RYR3: variants seen among roughly 807,000 people sequenced by gnomAD.
The protein encoded by RYR3 is brain ryanodine receptor-calcium release channel.
RYR3 carries 207 observed loss-of-function variants against 584.3 expected under a neutral mutation model. The observed-to-expected ratio is 0.35, with a 90% CI of 0.32 to 0.40. The LOEUF is 0.40. Among genes scored for constraint, RYR3 ranks in the 10% least tolerant of loss-of-function variants. RYR3 has a pLI of 1.00. For synonymous variants in RYR3, 2,416 were observed against 2,248.5 expected (o/e 1.07, Z -2.11); for missense variants, 5,616 against 6,089.2 (o/e 0.92, Z 2.59).
intron 1 of RYR3, among the ~76,000 whole-genome samples, chr15:33,457,834 A>G (rs939120638): frequency 6.6e-6 from 1 of 152,206 alleles, no homozygotes; most frequent in African/African-American, 2.4e-5. Context: ...CTACCCCACA[A>G]ACTTGCAATT....
chr15:33,766,002 T>C (rs8042647), intron 60 of RYR3, among the ~76,000 whole-genome samples: 80,970 of 152,002 alleles, frequency 0.53, 23,428 homozygotes, highest in African/African-American at 0.78. Flanking sequence ...CAGTCCTGGC[T>C]GAGTGCGGTG....
intron 1 of RYR3, among the ~76,000 whole-genome samples, chr15:33,315,770 G>C (rs564954798): frequency 1.3e-5 from 2 of 152,224 alleles, no homozygotes; most frequent in Non-Finnish European, 2.9e-5. Flanking sequence ...TCAGCAGTAG[G>C]GGGGTGGTGG....
chr15:33,815,055 A>T (rs1596758752), intron 74 of RYR3, among the ~76,000 whole-genome samples: 1 of 146,886 alleles, frequency 6.8e-6, no homozygotes, highest in Admixed American at 6.8e-5. Context: ...GGGTGACAGA[A>T]CGAGACTCTG....
At chr15:33,499,223 CCATTT>C in intron 2 of RYR3, among the ~76,000 whole-genome samples, 1 of 151,088 alleles carries the variant, frequency 6.6e-6, no homozygotes. Context: ...CTCCTCTCTC[CCATTT>C]TCTACCCCTC....
chr15:33,652,309 C>G (rs1168646143), intron 31 of RYR3, among the ~76,000 whole-genome samples: 1 of 152,120 alleles, frequency 6.6e-6, no homozygotes, highest in Non-Finnish European at 1.5e-5. Flanking sequence ...GACTCTGAAC[C>G]CAGACTTTTT....
At chr15:33,358,886 C>G (rs1974356732) in intron 1 of RYR3, among the ~76,000 whole-genome samples, 1 of 152,178 alleles carries the variant, frequency 6.6e-6, no homozygotes, top group African/African-American at 2.4e-5. Flanking sequence ...TAACTAGGTG[C>G]TAGGCACTAT....
At chr15:33,818,847 G>C (rs747565069) in intron 76 of RYR3, among the ~76,000 whole-genome samples, 163 bp downstream of exon 76, 5 of 152,368 alleles carry the variant, frequency 3.3e-5, no homozygotes, top group Non-Finnish European at 5.9e-5. Flanking sequence ...TAGGGAGCCA[G>C]GCGTGGTGGC....
At position 33,748,210 on chromosome 15, in the gene RYR3, G is replaced by T; in HGVS notation, c.8086G>T (p.Val2696Phe). Residue 2696 changes from valine (V) to phenylalanine (F), a missense_variant, in exon 54 of 104, where the codon GTT (valine) becomes TTT (phenylalanine). Physicochemically the swap from Val to Phe is conservative, Grantham distance 50. Transcript: ENST00000634891. ...GAGGACCAAAGAGGGAGAAGCTTTG[G>T]TTCAACAGCGGGAAAATGAGAAGCT... Reference protein sequence around the residue: ...VERTKEGEALVQQRENEKLRS... With the variant: ...VERTKEGEALFQQRENEKLRS... 6.2e-7 allele frequency: 1 copy of T among 1,613,982 alleles called. No individual in the cohort carries two copies. Among genetic ancestry groups the T allele is most frequent in the Non-Finnish European group, 8.5e-7 (1 of 1,179,890 alleles).
chr15:33,759,551 T>C (rs1246830830), intron 60 of RYR3, among the ~76,000 whole-genome samples: 1 of 151,982 alleles, frequency 6.6e-6, no homozygotes, highest in Non-Finnish European at 1.5e-5. Context: ...AAATCAGAGA[T>C]TGAAGATCAA....
chr15:33,646,014 A>T (rs1301891197), intron 28 of RYR3, among the ~76,000 whole-genome samples: 3 of 152,094 alleles, frequency 2.0e-5, no homozygotes, highest in African/African-American at 7.2e-5. Context: ...TTCTTTAGCC[A>T]CTTGCCCCCT....
At chr15:33,440,610 C>T (rs2046138239) in intron 1 of RYR3, among the ~76,000 whole-genome samples, 1 of 152,154 alleles carries the variant, frequency 6.6e-6, no homozygotes, top group Non-Finnish European at 1.5e-5. Context: ...TCCAAAATGT[C>T]AGTAGCGCTA....
At chr15:33,556,238 T>C (rs1436430064) in intron 10 of RYR3, among the ~76,000 whole-genome samples, 1 of 152,192 alleles carries the variant, frequency 6.6e-6, no homozygotes, top group African/African-American at 2.4e-5. Flanking sequence ...TTAATAAGCA[T>C]CAATTAGAAG....
intron 1 of RYR3, among the ~76,000 whole-genome samples, chr15:33,431,800 G>C (rs1596104897): frequency 6.6e-6 from 1 of 152,110 alleles, no homozygotes; most frequent in Non-Finnish European, 1.5e-5. Flanking sequence ...AGAGGATTTA[G>C]CCTTCTTTGA....
At chr15:33,761,010 A>G (rs944759279) in intron 60 of RYR3, among the ~76,000 whole-genome samples, 2 of 152,246 alleles carry the variant, frequency 1.3e-5, no homozygotes, top group Non-Finnish European at 2.9e-5. Context: ...CTGGGTAAAT[A>G]ATGAAATTAA....
chr15:33,660,565 T>G, intron 34 of RYR3, 142 bp downstream of exon 34: 1 of 593,350 alleles, frequency 1.7e-6, no homozygotes, highest in Non-Finnish European at 2.9e-6. Context: ...TGCCTCAGTT[T>G]CTATTCCTTC....
rs1008432574 is a variant in RYR3 at position 33,660,164 on chromosome 15, T to G, written c.4396-33T>G. The G allele has an allele frequency of 2.2e-5, 32 of 1,468,564 alleles. No homozygotes were observed. In the Admixed American group the frequency reaches 6.3e-4, roughly 29 times the overall value. The allele number at this position is 1,468,564 out of a possible 1,614,324, so 91.0% of individuals were successfully genotyped here. A position where few individuals can be genotyped will look rare whatever the true frequency, so the allele number is the denominator to read the frequency against. ...GGGTGCGTCATCCAGCAACTGTGTG[T>G]TTCTTTTCCAATGCCTTTCCCACGT... On this transcript the variant is annotated intron_variant, in intron 33 of 103. Coordinates refer to ENST00000634891, the MANE Select transcript of RYR3 (RefSeq NM_001036.6).
intron 1 of RYR3, among the ~76,000 whole-genome samples, chr15:33,453,800 G>GA (rs537727639): frequency 4.6e-5 from 7 of 151,636 alleles, no homozygotes; most frequent in Admixed American, 1.3e-4. Flanking sequence ...GTTTTCATAT[G>GA]AAAAAAAAGT....
intron 66 of RYR3, among the ~76,000 whole-genome samples, chr15:33,786,687 G>A (rs1177812311): frequency 6.6e-6 from 1 of 152,138 alleles, no homozygotes; most frequent in African/African-American, 2.4e-5. Context: ...AGAAGCTAAG[G>A]CAAAATTACT....
intron 99 of RYR3, chr15:33,858,638 A>T (rs2079983334): frequency 1.5e-5 from 1 of 67,046 alleles, no homozygotes; most frequent in African/African-American, 3.3e-5. Flanking sequence ...TCAGCAAGCC[A>T]GTCGGAGGTT....
Sources: gnomAD v4.1 joint callset for allele counts (sites outside exome capture counted in the v4.1 genomes callset) on GRCh38, gnomAD v4.1.1 for gene constraint, MANE v1.5 for transcripts, NCBI Gene and HGNC (gene_info 2026-07-23, HGNC 2026-07-21) for gene names.